The following ABCF1 variants were observed in gnomAD, a reference collection of about 807,000 sequenced individuals.
ABCF1 encodes ATP binding cassette subfamily F member 1, also known as ATP-binding cassette sub-family F member 1.
Under a neutral mutation model 126.3 loss-of-function variants are expected in ABCF1, and 73 were observed. The observed-to-expected ratio is 0.58, with a 90% confidence interval of 0.48 to 0.70. The LOEUF (loss-of-function observed/expected upper bound fraction) is 0.70, where lower values mean the gene tolerates loss of function less well. Ranked by LOEUF, ABCF1 falls within the 30% of genes least tolerant of loss-of-function variation. The pLI is 0.00. For missense variants in ABCF1, 786 were observed against 1,057.5 expected, an observed-to-expected ratio of 0.74 and a Z score of 3.56; for synonymous variants, 345 against 396.4, an observed-to-expected ratio of 0.87 and a Z score of 1.54.
At chr6:30,580,667 G>GTTTGTT (rs996352360) in intron 8 of ABCF1, 148 bp downstream of exon 8, 13 of 527,240 alleles carry the variant, frequency 2.5e-5, no homozygotes, top group East Asian at 1.1e-4. Flanking sequence ...GTGGTGGTTC[G>GTTTGTT]TTTGTTTTTG....
rs746544296 is a variant in ABCF1 at position 30,584,558 on chromosome 6, C to T, written c.1383C>T (p.Ser461=). ...KFSGGWRMRV[S]LARALFMEPT... is the part of the protein sequence containing the mutation. ...CAGGGGGCTGGCGCATGCGTGTCTC[C>T]CTGGCCAGGTGGGCCATTCACCTCA... Residue 461 remains serine, a synonymous_variant, in exon 14 of 25, where the codon TCC becomes TCT. Coordinates refer to ENST00000326195, the MANE Select transcript of ABCF1 (RefSeq NM_001025091.2). The surrounding 1 kb of genome is among the most constrained non-coding windows in gnomAD (Gnocchi z 4.6). 6 of 1,598,486 alleles carry T rather than the reference C, an allele frequency of 3.8e-6. No individual in the cohort carries two copies. The highest frequency in any genetic ancestry group is 4.3e-6 in the Non-Finnish European group (5 of 1,171,766).
chr6:30,580,296 G>A (rs1370715299), intron 7 of ABCF1, 110 bp from the exon 8 acceptor site: 11 of 835,526 alleles, frequency 1.3e-5, no homozygotes, highest in African/African-American at 3.7e-5. Context: ...GCAGTGAGCC[G>A]AGATTGCGCC....
intron 20 of ABCF1, among the ~76,000 whole-genome samples, chr6:30,588,290 T>C (rs1301889388): frequency 1.3e-5 from 2 of 152,204 alleles, no homozygotes; most frequent in East Asian, 3.8e-4. Flanking sequence ...TGGGCTGTCA[T>C]ATGAGTTGTT....
rs748313081 is a variant in ABCF1 at position 30,583,925 on chromosome 6, G to A, written c.1102+35G>A. ...CTGGGGAGAAAAGGGGCTTGGTGGG[G>A]TGGGCAGTTGGGTAGAAAAGCCAGC... On this transcript the variant is annotated intron_variant, in intron 12 of 24. Transcript: ENST00000326195. This position sits in a 1 kb window ranked among gnomAD's most constrained non-coding sequence, Gnocchi z 4.1. 1.6e-4 allele frequency: 261 copies of A among 1,606,456 alleles called. No homozygotes were observed. Among genetic ancestry groups the A allele is most frequent in the Middle Eastern group, 1.6e-3 (9 of 5,776 alleles).
chr6:30,590,479 G>C, intron 24 of ABCF1, 56 bp from the exon 25 acceptor site: 1 of 1,582,312 alleles, frequency 6.3e-7, no homozygotes, highest in Non-Finnish European at 8.6e-7. Context: ...TTCATGTTCT[G>C]ATTCCCCTCT....
Position 30,589,966 on chromosome 6 carries a change from A to G in ABCF1, c.2225A>G (p.Lys742Arg), listed in dbSNP as rs746511189. ...ESHAHTIQICKLSGGQKARVV... is the reference protein window; with the variant it reads ...ESHAHTIQICRLSGGQKARVV... ...CACGCCCACACCATCCAGATCTGCA[A>G]ACTCTCTGGTACCACTTCAGGGGCC... Residue 742 changes from lysine to arginine, a missense_variant, in exon 22 of 25, where the codon AAA (lysine) becomes AGA (arginine). Lys to Arg is a conservative substitution (Grantham distance 26). Transcript: ENST00000326195. 11 of 1,613,224 alleles carry G rather than the reference A, an allele frequency of 6.8e-6. No individual in the cohort carries two copies. The highest frequency in any genetic ancestry group is 7.6e-6 in the Non-Finnish European group (9 of 1,180,002).
chr6:30,579,071 G>T (rs1801666387), intron 6 of ABCF1, among the ~76,000 whole-genome samples: 1 of 152,018 alleles, frequency 6.6e-6, no homozygotes, highest in Non-Finnish European at 1.5e-5. Flanking sequence ...GTTGCTTTAA[G>T]CACAGAACCT....
In ABCF1 at chr6:30,586,768, TG is replaced by T. The variant is rs1373941714; in HGVS notation, c.2031+58del. On this transcript the variant is annotated intron_variant, in intron 20 of 24. Coordinates refer to ENST00000326195, the MANE Select transcript of ABCF1 (RefSeq NM_001025091.2). This position sits in a 1 kb window ranked among gnomAD's most constrained non-coding sequence, Gnocchi z 4.9. ...AGAAATGTGAAGACACAGCTGCTTT[TG>T]CCAGAAGCTGGAATCAGGGAGCCTC... 5.7e-5 allele frequency: 90 copies of T among 1,576,254 alleles called. No homozygotes were observed. In the South Asian group the frequency reaches 9.0e-4, roughly 16 times the overall value.
chr6:30,577,980 A>G, intron 3 of ABCF1, 67 bp downstream of exon 3: 1 of 1,613,508 alleles, frequency 6.2e-7, no homozygotes, highest in Non-Finnish European at 8.5e-7. Flanking sequence ...TTTCCAGCCC[A>G]TGTTGCTCCA....
In ABCF1 at chr6:30,587,558, C is replaced by T. The variant is rs1264435; in HGVS notation, c.2031+847C>T. On this transcript the variant is annotated intron_variant, in intron 20 of 24. Coordinates refer to ENST00000326195, the MANE Select transcript of ABCF1 (RefSeq NM_001025091.2). Reference sequence around the variant, plus strand: ...GCTGAGGCAGGAGAATCACTTGAACCCAGGAGGCAGAGGTTGCAGTGAGCT... The same window carrying T: ...GCTGAGGCAGGAGAATCACTTGAACTCAGGAGGCAGAGGTTGCAGTGAGCT... Among the ~76,000 whole-genome samples the T allele has an allele frequency of 7.2e-3, 1,092 of 151,936 alleles. 9 individuals are homozygous for T. The highest frequency in any genetic ancestry group is 9.6e-3 in the Admixed American group (147 of 15,234).
intron 20 of ABCF1, among the ~76,000 whole-genome samples, chr6:30,587,424 A>G (rs1309785562): frequency 6.6e-6 from 1 of 152,078 alleles, no homozygotes; most frequent in Non-Finnish European, 1.5e-5. Flanking sequence ...GTGGGAGATC[A>G]CCTGAGGTCA....
At chr6:30,585,406 CCT>C in intron 15 of ABCF1, 63 bp downstream of exon 15, 2 of 1,589,960 alleles carry the variant, frequency 1.3e-6, no homozygotes, top group East Asian at 2.2e-5. Flanking sequence ...CCCTCCCTGC[CCT>C]GTTTTCCTTT....
At chr6:30,581,359 C>G in intron 8 of ABCF1, among the ~76,000 whole-genome samples, 1 of 146,878 alleles carries the variant, frequency 6.8e-6, no homozygotes, top group Non-Finnish European at 1.5e-5. Context: ...TTCTGTGATT[C>G]TGCTGGATTC....
At chr6:30,585,176 G>C (rs193240532) in intron 14 of ABCF1, 84 bp from the exon 15 acceptor site, 2 of 1,214,044 alleles carry the variant, frequency 1.6e-6, no homozygotes, top group African/African-American at 3.0e-5. Context: ...CATGGTCTCA[G>C]GCTCTATCTC....
intron 1 of ABCF1, among the ~76,000 whole-genome samples, chr6:30,571,886 C>T (rs543730104): frequency 2.4e-4 from 36 of 152,116 alleles, no homozygotes; most frequent in Admixed American, 2.0e-3. Context: ...CACTGTATTC[C>T]ACCAGGAATA....
At chr6:30,571,669 G>A in intron 1 of ABCF1, 109 bp downstream of exon 1, 8 of 1,222,064 alleles carry the variant, frequency 6.5e-6, no homozygotes, top group Non-Finnish European at 9.2e-6. Flanking sequence ...CCCTGCGGGA[G>A]TTACTGCGCA....
chr6:30,579,320 A>G (rs1160577326), intron 6 of ABCF1, among the ~76,000 whole-genome samples: 1 of 152,086 alleles, frequency 6.6e-6, no homozygotes, highest in East Asian at 1.9e-4. Context: ...GCAGCACTCA[A>G]TACAGATGGT....
intron 6 of ABCF1, among the ~76,000 whole-genome samples, chr6:30,579,522 A>G (rs773330658): frequency 6.8e-6 from 1 of 147,554 alleles, no homozygotes; most frequent in Non-Finnish European, 1.5e-5. Flanking sequence ...CAGTGGCGTA[A>G]TCCTGGCTCA....
chr6:30,590,520 T>C lies in ABCF1; in HGVS notation c.2372-15T>C, dbSNP rs1309472338. ...CTTTCTTCCTGCCCTCTGTTGTTGC[T>C]ATCTTTCTTCAAAGCTGTGATCGTT... On this transcript the variant is annotated splice_polypyrimidine_tract_variant and intron_variant, in intron 24 of 24. Coordinates refer to ENST00000326195, the MANE Select transcript of ABCF1 (RefSeq NM_001025091.2). 27 of 1,605,350 alleles carry C rather than the reference T, an allele frequency of 1.7e-5. No individual in the cohort carries two copies. Among genetic ancestry groups the C allele is most frequent in the Non-Finnish European group, 2.0e-5 (24 of 1,176,562 alleles).
Sources: gnomAD v4.1 joint callset for allele counts (sites outside exome capture counted in the v4.1 genomes callset) on GRCh38, gnomAD v4.1.1 for gene constraint, Gnocchi (gnomAD v3.1) non-coding constraint, MANE v1.5 for transcripts, NCBI Gene and HGNC (gene_info 2026-07-23, HGNC 2026-07-21) for gene names.